The following WNK2 variants were observed in gnomAD, a reference collection of about 807,000 sequenced individuals.
WNK2 encodes serine/threonine-protein kinase WNK2.
In WNK2, 67 loss-of-function variants were observed where a neutral mutation model predicts 192.1. That is an observed-to-expected ratio of 0.35 (90% CI 0.29 to 0.43). The LOEUF (loss-of-function observed/expected upper bound fraction) is 0.43. Ranked by LOEUF, WNK2 falls within the 20% of genes least tolerant of loss-of-function variation. The pLI is 1.00. For missense variants in WNK2, 2,698 were observed against 3,089.7 expected (o/e 0.87, Z 3.01); for synonymous variants, 1,439 against 1,393.9 (o/e 1.03, Z -0.72).
At chr9:93,256,563 C>T (rs888485969) in intron 10 of WNK2, 109 bp downstream of exon 10, 9 of 1,308,830 alleles carry the variant, frequency 6.9e-6, no homozygotes, top group Non-Finnish European at 6.1e-6. Context: ...CGCTCAAATT[C>T]TCTGTGGTTC....
intron 27 of WNK2, chr9:93,308,024 G>A (rs1434240524): frequency 2.3e-6 from 1 of 430,380 alleles, no homozygotes; most frequent in South Asian, 3.5e-5. Context: ...GTGAGTCTGG[G>A]GATGGGCAGC....
intron 5 of WNK2, among the ~76,000 whole-genome samples, chr9:93,237,180 C>T (rs781477534): frequency 7.2e-5 from 11 of 152,166 alleles, no homozygotes; most frequent in East Asian, 1.9e-4. Flanking sequence ...ATTCCCAGCT[C>T]GGCTTTATCT....
intron 18 of WNK2, among the ~76,000 whole-genome samples, chr9:93,268,306 G>T (rs942671446): frequency 2.6e-5 from 4 of 152,198 alleles, no homozygotes; most frequent in African/African-American, 9.7e-5. Flanking sequence ...GTCCTCTCGG[G>T]AGCTTCGGGG....
At position 93,317,596 on chromosome 9, in the gene WNK2, C is replaced by T. The variant is rs1247542757; in HGVS notation, c.6593C>T (p.Pro2198Leu). 1.2e-6 allele frequency: 2 copies of T among 1,613,226 alleles called. No individual in the cohort carries two copies. Among genetic ancestry groups the T allele is most frequent in the South Asian group, 2.2e-5 (2 of 91,076 alleles). ...GGCCCTCTGTCCACCACGGTCATTC[C>T]CGGAGCCGCCCCGACCCTGTCCGTG... ...APGPLSTTVIPGAAPTLSVPT... is the reference protein window; with the variant it reads ...APGPLSTTVILGAAPTLSVPT... The change falls in exon 29 of 30, where the codon CCC becomes CTC. Residue 2198 changes from proline to leucine, a missense_variant. By Grantham distance (98) the Pro-to-Leu change is moderately conservative (BLOSUM62 -3). Coordinates refer to ENST00000427277, the MANE Select transcript of WNK2 (RefSeq NM_006648.4).
At chr9:93,307,169 C>CCCCACG in intron 27 of WNK2, 1 of 352,438 alleles carries the variant, frequency 2.8e-6, no homozygotes, top group Non-Finnish European at 5.3e-6. Flanking sequence ...ATGAGTGCCT[C>CCCCACG]CCCACGAGGA....
At chr9:93,290,116 C>T (rs1284660525) in intron 21 of WNK2, 69 bp downstream of exon 21, 3 of 1,355,438 alleles carry the variant, frequency 2.2e-6, no homozygotes, top group East Asian at 2.5e-5. Context: ...GAACCTTCTG[C>T]ATCCGCACCC....
Position 93,229,550 on chromosome 9 carries a change from C to A in WNK2, c.682-146C>A. 1 of 874,208 alleles carries A rather than the reference C, an allele frequency of 1.1e-6. No homozygotes were observed. Among genetic ancestry groups the A allele is most frequent in the Non-Finnish European group, 1.7e-6 (1 of 579,624 alleles). The allele number at this position is 874,208 out of a possible 1,614,324, so 54.2% of individuals were successfully genotyped here. ...GAGTCAGCAGTTGTGGTGCCAGTGT[C>A]TGCATGCCCTTCTATCATAGCCGCT... is the stretch of plus-strand genomic sequence containing the variant. On this transcript the variant is annotated intron_variant, in intron 2 of 29. Coordinates refer to ENST00000427277, the MANE Select transcript of WNK2 (RefSeq NM_006648.4). This position sits in a 1 kb window ranked among gnomAD's most constrained non-coding sequence, Gnocchi z 4.9.
At chr9:93,187,491 T>C (rs1310253324) in intron 2 of WNK2, among the ~76,000 whole-genome samples, 1 of 152,122 alleles carries the variant, frequency 6.6e-6, no homozygotes, top group Admixed American at 6.5e-5. Flanking sequence ...CTAGTCGATG[T>C]GTGTCATTTG....
chr9:93,289,761 G>A (rs1849023888), intron 20 of WNK2, 141 bp downstream of exon 20: 9 of 977,108 alleles, frequency 9.2e-6, no homozygotes, highest in Admixed American at 5.9e-5. Flanking sequence ...ACCCACCCAC[G>A]TGTGTTTGAC....
At position 93,292,545 on chromosome 9, in the gene WNK2, G is replaced by A; in HGVS notation, c.5080G>A (p.Gly1694Arg). 1 of 1,572,656 alleles carries A rather than the reference G, an allele frequency of 6.4e-7. No homozygotes were observed. The highest frequency in any genetic ancestry group is 8.6e-7 in the Non-Finnish European group (1 of 1,157,070). ...ARVEPTDRDG[G>R]EAGESSAEPP... Reference sequence around the variant, plus strand: ...TGTGGAGCCCACAGACAGGGATGGTGGAGAAGCTGGAGAAAGCTCGGCAGA... The same window carrying A: ...TGTGGAGCCCACAGACAGGGATGGTAGAGAAGCTGGAGAAAGCTCGGCAGA... Residue 1694 changes from glycine to arginine, a missense_variant, in exon 23 of 30, where the codon GGA (glycine) becomes AGA (arginine). Gly to Arg is a moderately radical substitution (Grantham distance 125, BLOSUM62 -2). Coordinates refer to ENST00000427277, the MANE Select transcript of WNK2 (RefSeq NM_006648.4).
rs1588483434 is a variant in WNK2, at chr9:93,292,572, C to A, written c.5107C>A (p.Pro1703Thr). 2 of 1,569,550 alleles carry A rather than the reference C, an allele frequency of 1.3e-6. No homozygotes were observed. The highest frequency in any genetic ancestry group is 1.7e-6 in the Non-Finnish European group (2 of 1,155,822). Reference protein sequence around the residue: ...GGEAGESSAEPPPSDMGTVGG... With the variant: ...GGEAGESSAETPPSDMGTVGG... ...AGAAGCTGGAGAAAGCTCGGCAGAG[C>A]CCCCGCCGAGTGACATGGGCACAGT... Residue 1703 changes from proline (P) to threonine (T), a missense_variant, in exon 23 of 30, where the codon CCC becomes ACC. By Grantham distance (38) the Pro-to-Thr change is conservative. Transcript: ENST00000427277.
At chr9:93,241,681 C>G (rs111833245) in intron 7 of WNK2, among the ~76,000 whole-genome samples, 90 of 152,248 alleles carry the variant, frequency 5.9e-4, no homozygotes, top group African/African-American at 1.9e-3. Flanking sequence ...TGCTTGGGCC[C>G]TTGGAGCCAG....
At position 93,267,866 on chromosome 9, in the gene WNK2, C is replaced by A. The variant is rs1403573896; in HGVS notation, c.3817C>A (p.Pro1273Thr). Residue 1273 changes from proline to threonine, a missense_variant, in exon 17 of 30, where the codon CCA becomes ACA. Transcript: ENST00000427277. ...CACAGACGCCGACCGTGGCTCCGAC[C>A]CAGGGACCAGCCCGCCACACCTCAG... ...EDTDADRGSD[P>T]GTSPPHLSTC... is the part of the protein sequence containing the mutation. 6.2e-7 allele frequency: 1 copy of A among 1,610,850 alleles called. No individual in the cohort carries two copies. The highest frequency in any genetic ancestry group is 8.5e-7 in the Non-Finnish European group (1 of 1,178,852).
intron 2 of WNK2, among the ~76,000 whole-genome samples, chr9:93,227,360 G>A (rs528245669): frequency 2.6e-5 from 4 of 152,196 alleles, no homozygotes; most frequent in South Asian, 2.1e-4. Flanking sequence ...TGATCCGCCC[G>A]CCTCGGCCTC....
At chr9:93,300,555 T>TC (rs1851428216) in intron 26 of WNK2, among the ~76,000 whole-genome samples, 7 of 152,138 alleles carry the variant, frequency 4.6e-5, no homozygotes, top group Admixed American at 4.6e-4. Context: ...ATGTCCGCTG[T>TC]CCCCAGTTCC....
chr9:93,202,784 GC>G (rs1401174597), intron 2 of WNK2, among the ~76,000 whole-genome samples: 1 of 152,116 alleles, frequency 6.6e-6, no homozygotes, highest in Non-Finnish European at 1.5e-5. Flanking sequence ...CCCCTGAGGA[GC>G]TTTTCCCTGG....
intron 2 of WNK2, among the ~76,000 whole-genome samples, chr9:93,190,352 C>A (rs1484812550): frequency 1.3e-5 from 2 of 152,222 alleles, no homozygotes; most frequent in African/African-American, 4.8e-5. Context: ...TGAGGCACCA[C>A]AGCTTGTTTT....
intron 2 of WNK2, among the ~76,000 whole-genome samples, chr9:93,203,040 G>A (rs915924494): frequency 1.3e-5 from 2 of 151,898 alleles, no homozygotes; most frequent in Non-Finnish European, 2.9e-5. Context: ...GTGGAGGATG[G>A]GGGGCATGGG....
chr9:93,211,209 TTCAA>T (rs1320433761), intron 2 of WNK2, among the ~76,000 whole-genome samples: 1 of 25,120 alleles, frequency 4.0e-5, no homozygotes, highest in African/African-American at 1.6e-4. Flanking sequence ...CATTTACTCA[TTCAA>T]TCACTCATCC....
Sources: gnomAD v4.1 joint callset for allele counts (sites outside exome capture counted in the v4.1 genomes callset) on GRCh38, gnomAD v4.1.1 for gene constraint, Gnocchi (gnomAD v3.1) non-coding constraint, MANE v1.5 for transcripts, NCBI Gene and HGNC (gene_info 2026-07-23, HGNC 2026-07-21) for gene names.